KIAA0513: variants seen among roughly 807,000 people sequenced by gnomAD.
KIAA0513 encodes the protein uncharacterized protein KIAA0513.
A neutral mutation model predicts 56.5 loss-of-function variants in KIAA0513; 39 were observed. The observed-to-expected ratio is 0.69, with a 90% CI of 0.53 to 0.90. The LOEUF (loss-of-function observed/expected upper bound fraction) is 0.90. KIAA0513 is among the 40% of genes least tolerant of loss of function. KIAA0513 has a pLI of 0.00. For missense variants in KIAA0513, 591 were observed against 535.2 expected, an observed-to-expected ratio of 1.10 and a Z score of -1.03; for synonymous variants, 268 against 215.6, an observed-to-expected ratio of 1.24 and a Z score of -2.13.
chr16:85,055,797 G>A (rs1030326201), intron 1 of KIAA0513, among the ~76,000 whole-genome samples: 3 of 152,156 alleles, frequency 2.0e-5, no homozygotes, highest in Non-Finnish European at 4.4e-5. Flanking sequence ...ATGAGAAATC[G>A]TGATTCAGAG....
intron 10 of KIAA0513, among the ~76,000 whole-genome samples, chr16:85,086,127 C>A (rs926398939): frequency 6.6e-6 from 1 of 152,202 alleles, no homozygotes; most frequent in Non-Finnish European, 1.5e-5. Flanking sequence ...AGCTGCCATC[C>A]GCAGCTGGCC....
chr16:85,037,036 C>T (rs1292541502), intron 1 of KIAA0513, among the ~76,000 whole-genome samples: 2 of 152,010 alleles, frequency 1.3e-5, no homozygotes. Flanking sequence ...TAATTTCTAG[C>T]CAAGGCTGAT....
rs1226951188 is a variant in KIAA0513, at chr16:85,078,983, C to T, written c.882C>T (p.His294=). 1 of 1,614,192 alleles carries T rather than the reference C, an allele frequency of 6.2e-7. No individual in the cohort carries two copies. Among genetic ancestry groups the T allele is most frequent in the Non-Finnish European group, 8.5e-7 (1 of 1,180,018 alleles). ...KKGEKIYLYT[H]LKQQPIWHTL... ...GGGAGAAGATCTACCTGTACACGCACCTGAAGCAACAGCCCATCTGGTAAG... is the reference window on the plus strand; with the variant it reads ...GGGAGAAGATCTACCTGTACACGCATCTGAAGCAACAGCCCATCTGGTAAG... Residue 294 remains histidine (H), a synonymous_variant, in exon 8 of 13, where the codon CAC becomes CAT. Transcript: ENST00000683363.
At chr16:85,047,498 G>T (rs747039400) in intron 1 of KIAA0513, among the ~76,000 whole-genome samples, 4 of 152,132 alleles carry the variant, frequency 2.6e-5, no homozygotes, top group African/African-American at 9.7e-5. Flanking sequence ...AAGAGGACAC[G>T]GAGAAAAAAA....
chr16:85,033,468 C>G (rs534199670), intron 1 of KIAA0513, among the ~76,000 whole-genome samples: 2 of 152,194 alleles, frequency 1.3e-5, no homozygotes, highest in Admixed American at 6.5e-5. Flanking sequence ...AAATAAATGG[C>G]GCGGGTGAAT....
rs545704936 is a variant in KIAA0513, at chr16:85,078,784, A to G, written c.824-141A>G. 1.3e-5 allele frequency: 12 copies of G among 893,442 alleles called. No individual in the cohort carries two copies. In the African/African-American group the frequency reaches 2.0e-4, roughly 15 times the overall value. The allele number at this position is 893,442 out of a possible 1,614,324, so 55.3% of individuals were successfully genotyped here. The stretch of plus-strand genomic sequence containing the variant: ...AGCACCGTTACTGGCTATGGCTAGC[A>G]GAAAAGCCACGGTGGGGTTTGCATC... On this transcript the variant is annotated intron_variant, in intron 7 of 12. Coordinates refer to ENST00000683363, the MANE Select transcript of KIAA0513 (RefSeq NM_001388359.1).
chr16:85,077,273 T>A, intron 5 of KIAA0513, 152 bp from the exon 6 acceptor site: 1 of 688,714 alleles, frequency 1.5e-6, no homozygotes, highest in South Asian at 1.9e-5. Context: ...CTGGGCCGGC[T>A]GAGCCTGCAC....
intron 10 of KIAA0513, among the ~76,000 whole-genome samples, chr16:85,085,312 A>G (rs947328382): frequency 2.6e-5 from 4 of 152,216 alleles, no homozygotes; most frequent in Non-Finnish European, 5.9e-5. Flanking sequence ...CATGCCCCTG[A>G]TGTCCTGTGA....
chr16:85,032,417 C>G (rs949057014), intron 1 of KIAA0513, among the ~76,000 whole-genome samples: 2 of 152,248 alleles, frequency 1.3e-5, no homozygotes, highest in Non-Finnish European at 2.9e-5. Flanking sequence ...ACTGCAACCA[C>G]TGCCTCCCAA....
At chr16:85,066,343 G>C (rs2073481037) in intron 1 of KIAA0513, among the ~76,000 whole-genome samples, 1 of 152,178 alleles carries the variant, frequency 6.6e-6, no homozygotes, top group African/African-American at 2.4e-5. Flanking sequence ...TGGGAGAGGG[G>C]ACAGGTCCAG....
At chr16:85,067,554 C>G (rs1280679674) in intron 2 of KIAA0513, among the ~76,000 whole-genome samples, 154 bp downstream of exon 2, 1 of 152,218 alleles carries the variant, frequency 6.6e-6, no homozygotes, top group East Asian at 1.9e-4. Flanking sequence ...AGGGGCCTCA[C>G]TCCACTCCAG....
chr16:85,047,137 C>A (rs533762875), intron 1 of KIAA0513, among the ~76,000 whole-genome samples: 1 of 152,206 alleles, frequency 6.6e-6, no homozygotes, highest in Non-Finnish European at 1.5e-5. Flanking sequence ...TACCATTCTG[C>A]TGTGGGTTTT....
intron 1 of KIAA0513, among the ~76,000 whole-genome samples, chr16:85,033,880 C>A (rs968238990): frequency 1.3e-5 from 2 of 152,120 alleles, no homozygotes; most frequent in Non-Finnish European, 2.9e-5. Context: ...CCTGCCCCAC[C>A]CCCCACTTCC....
chr16:85,076,653 A>G lies in KIAA0513; in HGVS notation c.574+739A>G, dbSNP rs1433077613. Among the ~76,000 whole-genome samples, 1 of 151,784 alleles carries G rather than the reference A, an allele frequency of 6.6e-6. No homozygotes were observed. The highest frequency in any genetic ancestry group is 2.4e-5 in the African/African-American group (1 of 41,276). ...TGTATCCCCTCCCCCTCCCACAGCC[A>G]TCCTCTCCGCACCCCTCAGTTCAGT... is the stretch of plus-strand genomic sequence containing the variant. On this transcript the variant is annotated intron_variant, in intron 5 of 12. Transcript: ENST00000683363. This position sits in a 1 kb window ranked among gnomAD's most constrained non-coding sequence, Gnocchi z 4.7.
In KIAA0513 at chr16:85,091,574, GGGTTTAAAACCAGCACC is replaced by G. The variant is rs2073867811; in HGVS notation, c.*3251_*3267del. 1 of 152,160 alleles carries G rather than the reference GGGTTTAAAACCAGCACC, an allele frequency of 6.6e-6. No homozygotes were observed. The highest frequency in any genetic ancestry group is 1.5e-5 in the Non-Finnish European group (1 of 68,038). The allele number at this position is 152,160 out of a possible 1,614,324, so 9.4% of individuals were successfully genotyped here. A position where few individuals can be genotyped will look rare whatever the true frequency, so the allele number is the denominator to read the frequency against. On this transcript the variant is annotated 3_prime_UTR_variant, in exon 13 of 13. Transcript: ENST00000683363. Reference sequence around the variant, plus strand: ...CAGGTTAATCCAAGCAACACGCATTGGGTTTAAAACCAGCACCGAGGCCCAGTGGGGGAATCACAGAC... The same window carrying G: ...CAGGTTAATCCAAGCAACACGCATTGGAGGCCCAGTGGGGGAATCACAGAC...
At position 85,081,482 on chromosome 16, in the gene KIAA0513, G is replaced by A. The variant is rs2073743367; in HGVS notation, c.980+90G>A. ...GGTTTCGGAAGAGGAGAGCAGAAGA[G>A]CAGCTGAGTGGACGTGTCTGTTTTT... On this transcript the variant is annotated intron_variant, in intron 9 of 12. Coordinates refer to ENST00000683363, the MANE Select transcript of KIAA0513 (RefSeq NM_001388359.1). This position sits in a 1 kb window ranked among gnomAD's most constrained non-coding sequence, Gnocchi z 4.4. The A allele has an allele frequency of 8.8e-7, 1 of 1,140,156 alleles. No homozygotes were observed. The highest frequency in any genetic ancestry group is 1.3e-6 in the Non-Finnish European group (1 of 773,594). The allele number at this position is 1,140,156 out of a possible 1,614,324, so 70.6% of individuals were successfully genotyped here.
chr16:85,041,644 G>T (rs368677061), intron 1 of KIAA0513, among the ~76,000 whole-genome samples: 4 of 152,274 alleles, frequency 2.6e-5, no homozygotes, highest in African/African-American at 4.8e-5. Context: ...GCCTCCATCC[G>T]TAAGGAAAGG....
chr16:85,028,922 T>G (rs1031659247), intron 1 of KIAA0513, among the ~76,000 whole-genome samples: 1 of 152,180 alleles, frequency 6.6e-6, no homozygotes, highest in African/African-American at 2.4e-5. Flanking sequence ...TGTTGATGTT[T>G]CGGATTCATT....
rs1303903152 is a variant in KIAA0513 at position 85,092,624 on chromosome 16, TCTG to T, written c.*4303_*4305del. On this transcript the variant is annotated 3_prime_UTR_variant, in exon 13 of 13. Transcript: ENST00000683363. Reference sequence around the variant, plus strand: ...TTCCAGTCCCACTGAGCCATTCACTTCTGCTGAACCATTTTTCTTAGGATGCAG... The same window carrying T: ...TTCCAGTCCCACTGAGCCATTCACTTCTGAACCATTTTTCTTAGGATGCAG... The T allele has an allele frequency of 6.6e-6, 1 of 152,258 alleles. No homozygotes were observed. The highest frequency in any genetic ancestry group is 1.5e-5 in the Non-Finnish European group (1 of 68,048). The allele number at this position is 152,258 out of a possible 1,614,324, so 9.4% of individuals were successfully genotyped here. A position where few individuals can be genotyped will look rare whatever the true frequency, so the allele number is the denominator to read the frequency against.
Sources: gnomAD v4.1 joint callset for allele counts (sites outside exome capture counted in the v4.1 genomes callset) on GRCh38, gnomAD v4.1.1 for gene constraint, Gnocchi (gnomAD v3.1) non-coding constraint, MANE v1.5 for transcripts, NCBI Gene and HGNC (gene_info 2026-07-23, HGNC 2026-07-21) for gene names.